Variants in USP2 observed in about 807,000 individuals in gnomAD.
The protein encoded by USP2 is ubiquitin carboxyl-terminal hydrolase 2.
A neutral mutation model predicts 72.0 loss-of-function variants in USP2; 33 were observed. The observed-to-expected ratio is 0.46, with a 90% CI of 0.35 to 0.61. USP2 has a LOEUF of 0.61. USP2 is among the 20% of genes least tolerant of loss of function. The pLI is 0.01. For missense variants in USP2, 691 were observed against 797.8 expected, an observed-to-expected ratio of 0.87 and a Z score of 1.61; for synonymous variants, 296 against 312.5, an observed-to-expected ratio of 0.95 and a Z score of 0.56.
intron 2 of USP2, among the ~76,000 whole-genome samples, chr11:119,362,806 A>AG (rs1169198371): frequency 6.6e-6 from 1 of 152,162 alleles, no homozygotes; most frequent in Non-Finnish European, 1.5e-5. Flanking sequence ...ACATGTGCAA[A>AG]GAGTTGAGAA....
intron 1 of USP2, among the ~76,000 whole-genome samples, chr11:119,376,840 C>T (rs1000600849): frequency 6.6e-6 from 1 of 152,278 alleles, no homozygotes; most frequent in Non-Finnish European, 1.5e-5. Context: ...CATCAGCTCT[C>T]ATCGGCCCTT....
chr11:119,356,961 A>T, intron 12 of USP2, 39 bp from the exon 13 acceptor site: 2 of 1,544,208 alleles, frequency 1.3e-6, no homozygotes, highest in Non-Finnish European at 1.7e-6. Flanking sequence ...AGCGGGCAGG[A>T]CCGGGAGACC....
chr11:119,370,977 G>A (rs955713747), intron 2 of USP2, among the ~76,000 whole-genome samples: 2 of 152,112 alleles, frequency 1.3e-5, no homozygotes, highest in African/African-American at 4.8e-5. Context: ...CCCCAGTAAA[G>A]GGGAATACTG....
intron 10 of USP2, 82 bp downstream of exon 10, chr11:119,357,675 G>A (rs759216934): frequency 5.5e-5 from 88 of 1,613,168 alleles, no homozygotes; most frequent in Middle Eastern, 4.9e-4. Flanking sequence ...CGTTTCTTCC[G>A]ACTGTTCCCC....
chr11:119,372,756 C>G lies in USP2; in HGVS notation c.725G>C (p.Gly242Ala). 2 of 1,554,832 alleles carry G rather than the reference C, an allele frequency of 1.3e-6. No individual in the cohort carries two copies. Among genetic ancestry groups the G allele is most frequent in the South Asian group, 2.5e-5 (2 of 79,458 alleles). Reference sequence around the variant, plus strand: ...GGAGCGGCTGGGCCCAGGGGCCTGACCCTTTCCCGTCTCCCACAGCGTGTA... The same window carrying G: ...GGAGCGGCTGGGCCCAGGGGCCTGAGCCTTTCCCGTCTCCCACAGCGTGTA... ...GRYTLWETGK[G>A]QAPGPSRSSS... Residue 242 changes from glycine to alanine, a missense_variant, in exon 2 of 13, where the codon GGT becomes GCT. Physicochemically the swap from Gly to Ala is moderately conservative, Grantham distance 60. Transcript: ENST00000260187.
chr11:119,378,555 G>A (rs914782634), intron 1 of USP2, among the ~76,000 whole-genome samples: 1 of 152,196 alleles, frequency 6.6e-6, no homozygotes, highest in African/African-American at 2.4e-5. Flanking sequence ...AGTTACCCAA[G>A]AGCTGGGGGA....
At chr11:119,369,475 C>A (rs755333639) in intron 2 of USP2, among the ~76,000 whole-genome samples, 1 of 152,146 alleles carries the variant, frequency 6.6e-6, no homozygotes, top group East Asian at 1.9e-4. Flanking sequence ...TCCTGAGAAT[C>A]CCCTGGGACA....
chr11:119,380,503 C>T (rs956644169), intron 1 of USP2, among the ~76,000 whole-genome samples: 28 of 152,080 alleles, frequency 1.8e-4, no homozygotes, highest in African/African-American at 6.5e-4. Flanking sequence ...TGGGCAGGGT[C>T]ACAAGAGGAA....
chr11:119,356,828 C>T lies in USP2; in HGVS notation c.*7G>A. The T allele has an allele frequency of 6.4e-7, 1 of 1,558,252 alleles. No individual in the cohort carries two copies. Among genetic ancestry groups the T allele is most frequent in the Non-Finnish European group, 8.7e-7 (1 of 1,151,162 alleles). ...CGGGGAAGGGAGAAGGGACGTGGCTCCTGGCGCTACATTCGGGAGGGCGGG... is the reference window on the plus strand; with the variant it reads ...CGGGGAAGGGAGAAGGGACGTGGCTTCTGGCGCTACATTCGGGAGGGCGGG... On this transcript the variant is annotated 3_prime_UTR_variant, in exon 13 of 13. Transcript: ENST00000260187.
intron 2 of USP2, among the ~76,000 whole-genome samples, chr11:119,368,415 G>C (rs1329002519): frequency 1.3e-5 from 2 of 152,224 alleles, no homozygotes; most frequent in African/African-American, 4.8e-5. Flanking sequence ...TTCTCACCTA[G>C]GAGCTCCAGG....
At chr11:119,364,352 C>T (rs1950820672) in intron 2 of USP2, 3 of 243,428 alleles carry the variant, frequency 1.2e-5, no homozygotes, top group Non-Finnish European at 2.0e-5. Flanking sequence ...CCTCCCCCGC[C>T]GGGCCTTCCC....
Position 119,359,775 on chromosome 11 carries a change from T to C in USP2, c.826-115A>G, listed in dbSNP as rs755434216. 815 of 1,420,546 alleles carry C rather than the reference T, an allele frequency of 5.7e-4. 4 individuals carry two copies. Among genetic ancestry groups the C allele is most frequent in the Non-Finnish European group, 2.5e-4 (259 of 1,053,642 alleles). 88.0% of individuals were successfully genotyped at this position (1,420,546 alleles called of 1,614,324 possible). A position where few individuals can be genotyped will look rare whatever the true frequency, so the allele number is the denominator to read the frequency against. On this transcript the variant is annotated intron_variant, in intron 3 of 12. Transcript: ENST00000260187. ...CCTAGAATCCTTTCATAGGAGGCTATCCTTTCATAGCCTCAAGTTCCTCTT... is the reference window on the plus strand; with the variant it reads ...CCTAGAATCCTTTCATAGGAGGCTACCCTTTCATAGCCTCAAGTTCCTCTT...
rs1951060192 is a variant in USP2, at chr11:119,381,632, C to A, written c.-201G>T. On this transcript the variant is annotated 5_prime_UTR_variant, in exon 1 of 13. Coordinates refer to ENST00000260187, the MANE Select transcript of USP2 (RefSeq NM_004205.5). ...CTCTCTCCCACCTCCGCCGGGGGCC[C>A]AGAAGGGACCTCCCCGGGAAATCGG... The A allele has an allele frequency of 7.4e-7, 1 of 1,350,294 alleles. No homozygotes were observed. Among genetic ancestry groups the A allele is most frequent in the Admixed American group, 2.0e-5 (1 of 49,128 alleles). The allele number at this position is 1,350,294 out of a possible 1,614,324, so 83.6% of individuals were successfully genotyped here. A position where few individuals can be genotyped will look rare whatever the true frequency, so the allele number is the denominator to read the frequency against.
At chr11:119,357,079 G>A in intron 12 of USP2, 108 bp downstream of exon 12, 5 of 1,117,342 alleles carry the variant, frequency 4.5e-6, no homozygotes, top group Non-Finnish European at 5.8e-6. Flanking sequence ...CATTCTCGGT[G>A]TAAGCCGTGC....
intron 2 of USP2, among the ~76,000 whole-genome samples, chr11:119,371,327 T>TC (rs1236143451): frequency 6.6e-6 from 1 of 151,820 alleles, no homozygotes; most frequent in African/African-American, 2.4e-5. Context: ...ACCAGCCGAG[T>TC]CCAAGTGAGT....
chr11:119,356,408 A>T lies in USP2; in HGVS notation c.*427T>A, dbSNP rs1325609570. On this transcript the variant is annotated 3_prime_UTR_variant, in exon 13 of 13. Coordinates refer to ENST00000260187, the MANE Select transcript of USP2 (RefSeq NM_004205.5). Reference sequence around the variant, plus strand: ...GGACCGGCGAGCCGTGCGGGTGGAGATGGGCGCCGGCTCCTCCGCGGCGCG... The same window carrying T: ...GGACCGGCGAGCCGTGCGGGTGGAGTTGGGCGCCGGCTCCTCCGCGGCGCG... 1 of 161,164 alleles carries T rather than the reference A, an allele frequency of 6.2e-6. No individual in the cohort carries two copies. Among genetic ancestry groups the T allele is most frequent in the Non-Finnish European group, 1.4e-5 (1 of 73,952 alleles). The allele number at this position is 161,164 out of a possible 1,614,324, so 10.0% of individuals were successfully genotyped here.
Position 119,356,912 on chromosome 11 carries a change from T to A in USP2, c.1741A>T (p.Met581Leu). 1 of 1,560,246 alleles carries A rather than the reference T, an allele frequency of 6.4e-7. No homozygotes were observed. The highest frequency in any genetic ancestry group is 8.7e-7 in the Non-Finnish European group (1 of 1,152,702). ...HTFNDSSVTP[M>L]SSSQVRTSDA... ...CTGGTGCGCACTTGGCTGGAGGACATGGGAGTGACGCTGCGGAGAGAGCGG... is the reference window on the plus strand; with the variant it reads ...CTGGTGCGCACTTGGCTGGAGGACAAGGGAGTGACGCTGCGGAGAGAGCGG... The change falls in exon 13 of 13, where the codon ATG (methionine) becomes TTG (leucine). Residue 581 changes from methionine (M) to leucine (L), a missense_variant. By Grantham distance (15) the Met-to-Leu change is conservative. Coordinates refer to ENST00000260187, the MANE Select transcript of USP2 (RefSeq NM_004205.5).
Position 119,358,157 on chromosome 11 carries a change from T to C in USP2, c.1333A>G (p.Ile445Val), listed in dbSNP as rs1411463967. 2 of 1,614,066 alleles carry C rather than the reference T, an allele frequency of 1.2e-6. No homozygotes were observed. The highest frequency in any genetic ancestry group is 1.1e-5 in the South Asian group (1 of 91,074). Residue 445 changes from isoleucine (I) to valine (V), a missense_variant, in exon 8 of 13, where the codon ATT becomes GTT. Transcript: ENST00000260187. ...FDPFWDLSLP[I>V]AKRGYPEVTL... ...GCAACTGGGGTGCATACCTTAGCAATGGGCAGTGAGAGGTCCCAGAAGGGG... is the reference window on the plus strand; with the variant it reads ...GCAACTGGGGTGCATACCTTAGCAACGGGCAGTGAGAGGTCCCAGAAGGGG...
At chr11:119,381,201 A>C (rs1490154320) in intron 1 of USP2, among the ~76,000 whole-genome samples, 1 of 152,030 alleles carries the variant, frequency 6.6e-6, no homozygotes, top group Admixed American at 6.5e-5. Context: ...ACCGATATAC[A>C]CGGGGCACAG....
Sources: allele counts gnomAD v4.1 joint callset (sites outside exome capture counted in the v4.1 genomes callset), GRCh38; gene constraint gnomAD v4.1.1; transcripts MANE v1.5; gene names NCBI Gene and HGNC (gene_info 2026-07-23, HGNC 2026-07-21).